FOXRED1: variants seen among roughly 807,000 people sequenced by gnomAD.
The protein encoded by FOXRED1 is FAD dependent oxidoreductase domain containing 1.
FOXRED1 carries 52 observed loss-of-function variants against 57.8 expected under a neutral mutation model. The ratio of observed to expected loss-of-function variants is 0.90; its 90% CI spans 0.72 to 1.13. The LOEUF is 1.13. FOXRED1 is among the 50% of genes most tolerant of loss of function. The pLI is 0.00. For synonymous variants in FOXRED1, 271 were observed against 248.3 expected, an observed-to-expected ratio of 1.09 and a Z score of -0.86; for missense variants, 589 against 625.2, an observed-to-expected ratio of 0.94 and a Z score of 0.62.
intron 8 of FOXRED1, 85 bp downstream of exon 8, chr11:126,276,304 T>TGC: frequency 2.3e-4 from 1 of 4,314 alleles, no homozygotes. Context: ...TGTGTGTGTG[T>TGC]GTGTGTGTGT....
At position 126,276,418 on chromosome 11, in the gene FOXRED1, C is replaced by A; in HGVS notation, c.996C>A (p.Pro332=). The change falls in exon 9 of 11, where the codon CCC becomes CCA. Residue 332 remains proline, a synonymous_variant. Coordinates refer to ENST00000263578, the MANE Select transcript of FOXRED1 (RefSeq NM_017547.4). ...RKRYVYVWHC[P]QGPGLETPLV... Reference sequence around the variant, plus strand: ...GGTATGTGTATGTGTGGCACTGCCCCCAGGGACCAGGCCTAGAGACTCCGC... The same window carrying A: ...GGTATGTGTATGTGTGGCACTGCCCACAGGGACCAGGCCTAGAGACTCCGC... 1 of 1,426,070 alleles carries A rather than the reference C, an allele frequency of 7.0e-7. No homozygotes were observed. Among genetic ancestry groups the A allele is most frequent in the Non-Finnish European group, 9.4e-7 (1 of 1,064,634 alleles). The allele number at this position is 1,426,070 out of a possible 1,614,324, so 88.3% of individuals were successfully genotyped here.
chr11:126,271,721 C>A lies in FOXRED1; in HGVS notation c.306+64C>A. On this transcript the variant is annotated intron_variant, in intron 2 of 10. Coordinates refer to ENST00000263578, the MANE Select transcript of FOXRED1 (RefSeq NM_017547.4). The surrounding 1 kb of genome is among the most constrained non-coding windows in gnomAD (Gnocchi z 5.3). Reference sequence around the variant, plus strand: ...GAAAGATGACTCATTTTATTAAGGACTCTAGCGACAAGGGAAGGAGAGGAG... The same window carrying A: ...GAAAGATGACTCATTTTATTAAGGAATCTAGCGACAAGGGAAGGAGAGGAG... 2 of 1,313,072 alleles carry A rather than the reference C, an allele frequency of 1.5e-6. No homozygotes were observed. Among genetic ancestry groups the A allele is most frequent in the Non-Finnish European group, 2.2e-6 (2 of 911,740 alleles). 81.3% of individuals were successfully genotyped at this position (1,313,072 alleles called of 1,614,324 possible). A position where few individuals can be genotyped will look rare whatever the true frequency, so the allele number is the denominator to read the frequency against.
chr11:126,277,503 CCCGCTAGTTGTCAA>C lies in FOXRED1; in HGVS notation c.1277_1290del (p.Pro426HisfsTer114). On this transcript the variant is annotated frameshift_variant, in exon 11 of 11. Transcript: ENST00000263578. LOFTEE classifies it high-confidence loss of function. The surrounding 1 kb of genome is among the most constrained non-coding windows in gnomAD (Gnocchi z 6.8). ...ACCAGAATGGCGTGGTGGGCCCCCA[CCCGCTAGTTGTCAA>C]CATGTACTTTGCTACTGGCTTCAGT... is the stretch of plus-strand genomic sequence containing the variant. 6.2e-7 allele frequency: 1 copy of C among 1,613,646 alleles called. No homozygotes were observed. Among genetic ancestry groups the C allele is most frequent in the Non-Finnish European group, 8.5e-7 (1 of 1,180,006 alleles).
At position 126,271,091 on chromosome 11, in the gene FOXRED1, G is replaced by A; in HGVS notation, c.86-346G>A. On this transcript the variant is annotated intron_variant, in intron 1 of 10. Transcript: ENST00000263578. This position sits in a 1 kb window ranked among gnomAD's most constrained non-coding sequence, Gnocchi z 5.3. The stretch of plus-strand genomic sequence containing the variant: ...GTGCCGTGACTTGGGGTGTGCCAGG[G>A]CCTCTTGGTCCAAGGCCTGGAAGAC... 1 of 352,484 alleles carries A rather than the reference G, an allele frequency of 2.8e-6. No individual in the cohort carries two copies. Among genetic ancestry groups the A allele is most frequent in the Non-Finnish European group, 5.5e-6 (1 of 180,620 alleles). 21.8% of individuals were successfully genotyped at this position (352,484 alleles called of 1,614,324 possible). A position where few individuals can be genotyped will look rare whatever the true frequency, so the allele number is the denominator to read the frequency against.
At position 126,275,083 on chromosome 11, in the gene FOXRED1, A is replaced by G. The variant is rs1184858981; in HGVS notation, c.631+62A>G. On this transcript the variant is annotated intron_variant, in intron 5 of 10. Coordinates refer to ENST00000263578, the MANE Select transcript of FOXRED1 (RefSeq NM_017547.4). The surrounding 1 kb of genome is among the most constrained non-coding windows in gnomAD (Gnocchi z 5.9). ...GAAGATGGAGACTAAGGGGTGCTACACGTTGGGAGTCTCGGTACTCCACAG... is the reference window on the plus strand; with the variant it reads ...GAAGATGGAGACTAAGGGGTGCTACGCGTTGGGAGTCTCGGTACTCCACAG... 3.5e-6 allele frequency: 4 copies of G among 1,133,946 alleles called. No individual in the cohort carries two copies. In the African/African-American group the frequency reaches 6.1e-5, roughly 17 times the overall value. 70.2% of individuals were successfully genotyped at this position (1,133,946 alleles called of 1,614,324 possible). A position where few individuals can be genotyped will look rare whatever the true frequency, so the allele number is the denominator to read the frequency against.
At position 126,277,531 on chromosome 11, in the gene FOXRED1, A is replaced by G. The variant is rs776885755; in HGVS notation, c.1303A>G (p.Thr435Ala). The G allele has an allele frequency of 1.2e-6, 2 of 1,613,712 alleles. No homozygotes were observed. Among genetic ancestry groups the G allele is most frequent in the East Asian group, 4.5e-5 (2 of 44,886 alleles). ...HPLVVNMYFA[T>A]GFSGHGLQQA... ...GCTAGTTGTCAACATGTACTTTGCT[A>G]CTGGCTTCAGTGGTCACGGGCTCCA... The change falls in exon 11 of 11, where the codon ACT (threonine) becomes GCT (alanine). Residue 435 changes from threonine (T) to alanine (A), a missense_variant. Physicochemically the swap from Thr to Ala is moderately conservative, Grantham distance 58. Coordinates refer to ENST00000263578, the MANE Select transcript of FOXRED1 (RefSeq NM_017547.4). This position sits in a 1 kb window ranked among gnomAD's most constrained non-coding sequence, Gnocchi z 6.8.
rs142867355 is a variant in FOXRED1 at position 126,273,389 on chromosome 11, G to C, written c.471G>C (p.Ser157=). 2 of 1,613,994 alleles carry C rather than the reference G, an allele frequency of 1.2e-6. No homozygotes were observed. The highest frequency in any genetic ancestry group is 1.7e-5 in the Admixed American group (1 of 60,030). The part of the protein sequence containing the change: ...APPLDLRFNP[S]GYLLLASEKD... The stretch of plus-strand genomic sequence containing the variant: ...CCCTGGACCTCCGGTTCAACCCCTC[G>C]GGCTACCTCTTGCTGGCTTCAGAAA... Residue 157 remains serine (S), a synonymous_variant, in exon 4 of 11, where the codon TCG becomes TCC. Transcript: ENST00000263578. The surrounding 1 kb of genome is among the most constrained non-coding windows in gnomAD (Gnocchi z 5.9).
At position 126,272,759 on chromosome 11, in the gene FOXRED1, G is replaced by A. The variant is rs1951023923; in HGVS notation, c.307-210G>A. ...TGTACCACTGTGTCAGCTCTTTCCAGATGACTGACCCTCTCTGCTCTGCAC... is the reference window on the plus strand; with the variant it reads ...TGTACCACTGTGTCAGCTCTTTCCAAATGACTGACCCTCTCTGCTCTGCAC... On this transcript the variant is annotated intron_variant, in intron 2 of 10. Transcript: ENST00000263578. This position sits in a 1 kb window ranked among gnomAD's most constrained non-coding sequence, Gnocchi z 4.6. The A allele has an allele frequency of 3.2e-6, 2 of 624,414 alleles. No homozygotes were observed. Among genetic ancestry groups the A allele is most frequent in the Non-Finnish European group, 5.8e-6 (2 of 346,868 alleles). 38.7% of individuals were successfully genotyped at this position (624,414 alleles called of 1,614,324 possible). A position where few individuals can be genotyped will look rare whatever the true frequency, so the allele number is the denominator to read the frequency against.
chr11:126,269,334 C>T (rs760849767), intron 1 of FOXRED1, 43 bp downstream of exon 1: 2 of 1,613,692 alleles, frequency 1.2e-6, no homozygotes, highest in Non-Finnish European at 1.7e-6. Context: ...TCTGGGTTGT[C>T]CCCAACCTCC....
rs377464580 is a variant in FOXRED1, at chr11:126,276,474, G to C, written c.1052G>C (p.Arg351Pro). Reference protein sequence around the residue: ...LVADTSGAYFRREGLGSNYLG... With the variant: ...LVADTSGAYFPREGLGSNYLG... ...GCAGACACCAGTGGAGCCTATTTTCGCCGGGAAGGATTAGGTAGCAACTAC... is the reference window on the plus strand; with the variant it reads ...GCAGACACCAGTGGAGCCTATTTTCCCCGGGAAGGATTAGGTAGCAACTAC... The change falls in exon 9 of 11, where the codon CGC becomes CCC. Residue 351 changes from arginine (R) to proline (P), a missense_variant. Physicochemically the swap from Arg to Pro is moderately radical, Grantham distance 103 (BLOSUM62 -2). Transcript: ENST00000263578. The C allele has an allele frequency of 9.9e-6, 16 of 1,608,666 alleles. No homozygotes were observed. The highest frequency in any genetic ancestry group is 1.4e-5 in the Non-Finnish European group (16 of 1,177,614).
intron 1 of FOXRED1, chr11:126,269,546 C>T (rs1950916711): frequency 1.5e-6 from 1 of 682,704 alleles, no homozygotes; most frequent in Non-Finnish European, 2.6e-6. Flanking sequence ...ATCGGTGGCA[C>T]AGATGTGCAT....
In FOXRED1 at chr11:126,273,067, A is replaced by G. The variant is rs765506915; in HGVS notation, c.405A>G (p.Leu135=). 6.4e-7 allele frequency: 1 copy of G among 1,570,454 alleles called. No homozygotes were observed. The highest frequency in any genetic ancestry group is 1.1e-5 in the South Asian group (1 of 90,206). Residue 135 remains leucine (L), a synonymous_variant, in exon 3 of 11, where the codon CTA becomes CTG. Transcript: ENST00000263578. The surrounding 1 kb of genome is among the most constrained non-coding windows in gnomAD (Gnocchi z 5.9). ...TCTCCCTCTTTTCAGCCAGCTTTCT[A>G]CGGAACATCAATGTAGGTGCAATGA... is the stretch of plus-strand genomic sequence containing the variant. ...IQLSLFSASF[L]RNINEYLAVV...
At position 126,269,257 on chromosome 11, in the gene FOXRED1, GAGGCCAGGCACGC is replaced by G. The variant is rs1484318472; in HGVS notation, c.52_64del (p.Arg18AlafsTer46). The G allele has an allele frequency of 1.9e-6, 3 of 1,614,244 alleles. No homozygotes were observed. In the South Asian group the frequency reaches 3.3e-5, roughly 18 times the overall value. ...GCATGGGCCGGGGCCTCTTGACCCG[GAGGCCAGGCACGC>G]GCAGAGGAGGCTTTTCTCTGGGTAA... On this transcript the variant is annotated frameshift_variant, in exon 1 of 11. Transcript: ENST00000263578. LOFTEE classifies it high-confidence loss of function.
At chr11:126,276,717 A>C (rs1951159780) in intron 9 of FOXRED1, among the ~76,000 whole-genome samples, 194 bp downstream of exon 9, 1 of 151,912 alleles carries the variant, frequency 6.6e-6, no homozygotes, top group South Asian at 2.1e-4. Context: ...CTCTACTAAA[A>C]ATACAAAACT....
In FOXRED1 at chr11:126,274,464, C is replaced by T. The variant is rs1951075766; in HGVS notation, c.537-463C>T. 4.7e-6 allele frequency: 1 copy of T among 211,978 alleles called. No homozygotes were observed. The highest frequency in any genetic ancestry group is 9.7e-6 in the Non-Finnish European group (1 of 102,782). The allele number at this position is 211,978 out of a possible 1,614,324, so 13.1% of individuals were successfully genotyped here. ...AGGAGTTCGAGACCAGCCTGGCCAACTGGTGAAACCTCATCTCTACTAAAA... is the reference window on the plus strand; with the variant it reads ...AGGAGTTCGAGACCAGCCTGGCCAATTGGTGAAACCTCATCTCTACTAAAA... On this transcript the variant is annotated intron_variant, in intron 4 of 10. Transcript: ENST00000263578. This position sits in a 1 kb window ranked among gnomAD's most constrained non-coding sequence, Gnocchi z 4.8.
In FOXRED1 at chr11:126,272,531, A is replaced by G. The variant is rs181846482; in HGVS notation, c.307-438A>G. ...GGTCTCAGATTCCTGAACTCAAGCA[A>G]TCAGCCCGCCTCGGCCTCCCAAAGT... On this transcript the variant is annotated intron_variant, in intron 2 of 10. Coordinates refer to ENST00000263578, the MANE Select transcript of FOXRED1 (RefSeq NM_017547.4). The surrounding 1 kb of genome is among the most constrained non-coding windows in gnomAD (Gnocchi z 4.6). The G allele has an allele frequency of 1.6e-3, 391 of 249,134 alleles. No homozygotes were observed. The highest frequency in any genetic ancestry group is 3.4e-3 in the Admixed American group (66 of 19,700). 15.4% of individuals were successfully genotyped at this position (249,134 alleles called of 1,614,324 possible).
intron 7 of FOXRED1, 22 bp from the exon 8 acceptor site, chr11:126,276,037 C>T (rs769464542): frequency 1.2e-6 from 2 of 1,612,780 alleles, no homozygotes; most frequent in East Asian, 2.2e-5. Context: ...CCTTCCCACT[C>T]CTCACCCTCT....
In FOXRED1 at chr11:126,269,177, G is replaced by A. The variant is rs201673735; in HGVS notation, c.-30G>A. The A allele has an allele frequency of 2.4e-4, 376 of 1,549,550 alleles. 2 individuals are homozygous for A. In the African/African-American group the frequency reaches 4.7e-3, roughly 19 times the overall value. ...GCGATAATAGCGAGGCAGCAGTGCAGCTTTCAGAGGGTCCGGGCTCAGAGG... is the reference window on the plus strand; with the variant it reads ...GCGATAATAGCGAGGCAGCAGTGCAACTTTCAGAGGGTCCGGGCTCAGAGG... On this transcript the variant is annotated 5_prime_UTR_variant, in exon 1 of 11. Coordinates refer to ENST00000263578, the MANE Select transcript of FOXRED1 (RefSeq NM_017547.4).
rs1445144058 is a variant in FOXRED1, at chr11:126,276,392, A to G, written c.972-2A>G. 8.8e-7 allele frequency: 1 copy of G among 1,131,442 alleles called. No homozygotes were observed. Among genetic ancestry groups the G allele is most frequent in the East Asian group, 6.7e-5 (1 of 14,912 alleles). 70.1% of individuals were successfully genotyped at this position (1,131,442 alleles called of 1,614,324 possible). A position where few individuals can be genotyped will look rare whatever the true frequency, so the allele number is the denominator to read the frequency against. On this transcript the variant is annotated splice_acceptor_variant, in intron 8 of 10. Transcript: ENST00000263578. LOFTEE classifies it high-confidence loss of function. Reference sequence around the variant, plus strand: ...AGTTCGTAACCGCACTGGTTGTGGCAGGTATGTGTATGTGTGGCACTGCCC... The same window carrying G: ...AGTTCGTAACCGCACTGGTTGTGGCGGGTATGTGTATGTGTGGCACTGCCC...
Sources: allele counts gnomAD v4.1 joint callset (sites outside exome capture counted in the v4.1 genomes callset), GRCh38; gene constraint gnomAD v4.1.1; non-coding constraint Gnocchi (gnomAD v3.1); transcripts MANE v1.5; gene names NCBI Gene and HGNC (gene_info 2026-07-23, HGNC 2026-07-21).